The following SLC5A7 variants were observed in gnomAD, a reference collection of about 807,000 sequenced individuals.
SLC5A7 encodes solute carrier family 5 member 7, also known as high affinity choline transporter 1.
Under a neutral mutation model 55.4 loss-of-function variants are expected in SLC5A7, and 19 were observed. The ratio of observed to expected loss-of-function variants is 0.34; its 90% CI spans 0.24 to 0.50. The LOEUF is 0.50. SLC5A7 is among the 20% of genes least tolerant of loss of function. The pLI is 0.98. For synonymous variants in SLC5A7, 265 were observed against 263.7 expected (o/e 1.00, Z -0.05); for missense variants, 506 against 705.3 (o/e 0.72, Z 3.20).
chr2:107,988,908 G>T (rs770514763), intron 2 of SLC5A7, among the ~76,000 whole-genome samples: 1 of 152,280 alleles, frequency 6.6e-6, no homozygotes, highest in African/African-American at 2.4e-5. Flanking sequence ...CACATGTTAT[G>T]AGTCCACAGC....
intron 5 of SLC5A7, among the ~76,000 whole-genome samples, chr2:107,998,471 T>C (rs1021139779): frequency 1.1e-4 from 16 of 152,224 alleles, no homozygotes; most frequent in African/African-American, 3.4e-4. Context: ...AAATTCTTAA[T>C]TATATAAGGC....
At position 108,010,426 on chromosome 2, in the gene SLC5A7, G is replaced by A. The variant is rs766161448; in HGVS notation, c.1308G>A (p.Val436=). The part of the protein sequence containing the change: ...FVKGTNTYGA[V]AGYVSGLFLR... Reference sequence around the variant, plus strand: ...AGGGAACCAACACCTATGGGGCCGTGGCAGGTTATGTTTCTGGCCTCTTCC... The same window carrying A: ...AGGGAACCAACACCTATGGGGCCGTAGCAGGTTATGTTTCTGGCCTCTTCC... The change falls in exon 9 of 9, where the codon GTG becomes GTA. Residue 436 remains valine (V), a synonymous_variant. Coordinates refer to ENST00000264047, the MANE Select transcript of SLC5A7 (RefSeq NM_021815.5). 1.9e-6 allele frequency: 3 copies of A among 1,613,886 alleles called. No homozygotes were observed. The highest frequency in any genetic ancestry group is 1.7e-5 in the Admixed American group (1 of 59,948).
intron 8 of SLC5A7, among the ~76,000 whole-genome samples, chr2:108,009,427 C>G (rs191392800): frequency 3.9e-5 from 6 of 152,082 alleles, no homozygotes; most frequent in Non-Finnish European, 7.4e-5. Flanking sequence ...TTTGCTGCAC[C>G]TATTGACCCG....
chr2:108,010,444 C>T lies in SLC5A7; in HGVS notation c.1326C>T (p.Gly442=). 1 of 1,613,854 alleles carries T rather than the reference C, an allele frequency of 6.2e-7. No individual in the cohort carries two copies. Among genetic ancestry groups the T allele is most frequent in the African/African-American group, 1.3e-5 (1 of 75,008 alleles). ...GGGCCGTGGCAGGTTATGTTTCTGG[C>T]CTCTTCCTGAGAATAACTGGAGGGG... ...TYGAVAGYVS[G]LFLRITGGEP... Residue 442 remains glycine (G), a synonymous_variant, in exon 9 of 9, where the codon GGC becomes GGT. Transcript: ENST00000264047.
intron 5 of SLC5A7, among the ~76,000 whole-genome samples, chr2:108,001,590 G>A (rs1677903971): frequency 1.4e-5 from 2 of 147,586 alleles, no homozygotes; most frequent in East Asian, 2.0e-4. Context: ...GGAGAATGGC[G>A]TGAACCCGGG....
chr2:107,995,470 A>AGAGAGAGAGAGTGTGT (rs1405177003), intron 4 of SLC5A7, among the ~76,000 whole-genome samples: 3 of 137,166 alleles, frequency 2.2e-5, no homozygotes, highest in African/African-American at 8.3e-5. Context: ...AGAGAGAGAG[A>AGAGAGAGAGAGTGTGT]GTGTGTGTGT....
rs905933912 is a variant in SLC5A7 at position 108,008,592 on chromosome 2, T to C, written c.1023T>C (p.Ser341=). The part of the protein sequence containing the change: ...YISFFGLGAV[S]AAVMSSADSS... ...CTTTCTTTGGTCTTGGTGCAGTTTCTGCTGCTGTTATGTCATCAGCAGATT... is the reference window on the plus strand; with the variant it reads ...CTTTCTTTGGTCTTGGTGCAGTTTCCGCTGCTGTTATGTCATCAGCAGATT... The change falls in exon 8 of 9, where the codon TCT becomes TCC. Residue 341 remains serine (S), a synonymous_variant. Transcript: ENST00000264047. The C allele has an allele frequency of 1.2e-6, 2 of 1,613,680 alleles. No homozygotes were observed. The highest frequency in any genetic ancestry group is 1.7e-6 in the Non-Finnish European group (2 of 1,179,854).
rs189863862 is a variant in SLC5A7 at position 108,011,682 on chromosome 2, C to A, written c.*821C>A. 2.0e-5 allele frequency: 3 copies of A among 152,014 alleles called. No individual in the cohort carries two copies. The highest frequency in any genetic ancestry group is 6.6e-5 in the Admixed American group (1 of 15,256). The allele number at this position is 152,014 out of a possible 1,614,324, so 9.4% of individuals were successfully genotyped here. ...TTTATCTCAAGTATATAAAGTTTTG[C>A]CCCATGATAAAATAAGTAACATATA... is the stretch of plus-strand genomic sequence containing the variant. On this transcript the variant is annotated 3_prime_UTR_variant, in exon 9 of 9. Coordinates refer to ENST00000264047, the MANE Select transcript of SLC5A7 (RefSeq NM_021815.5).
At position 108,010,361 on chromosome 2, in the gene SLC5A7, A is replaced by G. The variant is rs1232452494; in HGVS notation, c.1243A>G (p.Ile415Val). 3 of 1,613,960 alleles carry G rather than the reference A, an allele frequency of 1.9e-6. No homozygotes were observed. The South Asian group carries it at 3.3e-5, about 18-fold the overall frequency. ...LWYLSSDLVYIVIFPQLLCVL... is the reference protein window; with the variant it reads ...LWYLSSDLVYVVIFPQLLCVL... Reference sequence around the variant, plus strand: ...GTACCTCAGTTCTGACCTTGTTTACATCGTTATCTTCCCCCAGCTGCTTTG... The same window carrying G: ...GTACCTCAGTTCTGACCTTGTTTACGTCGTTATCTTCCCCCAGCTGCTTTG... The change falls in exon 9 of 9, where the codon ATC becomes GTC. Residue 415 changes from isoleucine (I) to valine (V), a missense_variant. This residue lies in a region of SLC5A7 where 309 missense variants were observed against 478.6 expected (regional missense o/e 0.65). Transcript: ENST00000264047.
In SLC5A7 at chr2:108,008,533, A is replaced by G. The variant is rs1423422976; in HGVS notation, c.964A>G (p.Ile322Val). The G allele has an allele frequency of 3.1e-6, 5 of 1,613,482 alleles. No individual in the cohort carries two copies. Among genetic ancestry groups the G allele is most frequent in the East Asian group, 2.2e-5 (1 of 44,850 alleles). ...TTEEADMILP[I>V]VLQYLCPVYI... ...AGAAGAGGCAGACATGATTTTACCA[A>G]TTGTTCTGCAGTATCTCTGCCCTGT... The change falls in exon 8 of 9, where the codon ATT becomes GTT. Residue 322 changes from isoleucine (I) to valine (V), a missense_variant. Around this residue, in one of 4 missense-constraint regions of SLC5A7, gnomAD observed 309 missense variants for 478.6 expected, o/e 0.65. Transcript: ENST00000264047.
rs755420328 is a variant in SLC5A7 at position 108,001,847 on chromosome 2, A to G, written c.598-50A>G. The stretch of plus-strand genomic sequence containing the variant: ...GAGGTGTACAAATCTTGCATATATC[A>G]GACAGTTGAAAACCATCGCCTAGGG... On this transcript the variant is annotated intron_variant, in intron 5 of 8. Coordinates refer to ENST00000264047, the MANE Select transcript of SLC5A7 (RefSeq NM_021815.5). 7 of 1,602,384 alleles carry G rather than the reference A, an allele frequency of 4.4e-6. No individual in the cohort carries two copies. In the Admixed American group the frequency reaches 6.7e-5, roughly 15 times the overall value.
intron 4 of SLC5A7, among the ~76,000 whole-genome samples, chr2:107,995,201 A>T (rs536171752): frequency 6.6e-6 from 1 of 152,224 alleles, no homozygotes; most frequent in Non-Finnish European, 1.5e-5. Context: ...GCAACATGTT[A>T]CTGCACTGAA....
At chr2:108,003,368 C>A (rs1283741891) in intron 6 of SLC5A7, among the ~76,000 whole-genome samples, 3 of 152,204 alleles carry the variant, frequency 2.0e-5, no homozygotes, top group Non-Finnish European at 4.4e-5. Context: ...TCAGACTATT[C>A]ATCTTTAAAA....
Position 107,992,988 on chromosome 2 carries a change from A to G in SLC5A7, c.309A>G (p.Ala103=). ...LSLILGGLFF[A]KPMRSKGYVT... ...AATTTTTAGGTGGCCTGTTCTTTGC[A>G]AAACCTATGCGTTCAAAGGGGTATG... The change falls in exon 4 of 9, where the codon GCA becomes GCG. Residue 103 remains alanine, a synonymous_variant. Transcript: ENST00000264047. 2 of 1,614,146 alleles carry G rather than the reference A, an allele frequency of 1.2e-6. No homozygotes were observed. Among genetic ancestry groups the G allele is most frequent in the Non-Finnish European group, 1.7e-6 (2 of 1,180,002 alleles).
At chr2:107,998,758 T>A (rs1677773494) in intron 5 of SLC5A7, among the ~76,000 whole-genome samples, 1 of 152,214 alleles carries the variant, frequency 6.6e-6, no homozygotes, top group African/African-American at 2.4e-5. Flanking sequence ...GTAGATTCTT[T>A]AGGGGCAATG....
intron 5 of SLC5A7, among the ~76,000 whole-genome samples, chr2:108,001,046 G>A (rs1330718179): frequency 6.7e-6 from 1 of 148,200 alleles, no homozygotes; most frequent in Admixed American, 6.9e-5. Context: ...TCCTGCCTCA[G>A]CCTCCCAAGC....
At position 108,011,343 on chromosome 2, in the gene SLC5A7, G is replaced by T. The variant is rs140004886; in HGVS notation, c.*482G>T. 7.5e-4 allele frequency: 115 copies of T among 152,578 alleles called. 1 individual carries two copies. The highest frequency in any genetic ancestry group is 3.1e-3 in the Admixed American group (47 of 15,290). The allele number at this position is 152,578 out of a possible 1,614,324, so 9.5% of individuals were successfully genotyped here. On this transcript the variant is annotated 3_prime_UTR_variant, in exon 9 of 9. Transcript: ENST00000264047. Reference sequence around the variant, plus strand: ...AATTAACCAGCTGATTTTTCTTAGTGTGATGATTAACCCCTTCTTTCATGT... The same window carrying T: ...AATTAACCAGCTGATTTTTCTTAGTTTGATGATTAACCCCTTCTTTCATGT...
rs553227558 is a variant in SLC5A7, at chr2:108,006,426, G to C, written c.895+224G>C. Among the ~76,000 whole-genome samples, 15 of 142,430 alleles carry C rather than the reference G, an allele frequency of 1.1e-4. No homozygotes were observed. In the East Asian group the frequency reaches 3.1e-3, roughly 29 times the overall value. The allele number at this position is 142,430 out of a possible 152,430, so 93.4% of individuals were successfully genotyped here. ...GTAGAGACGGGGTTTCATCATGTTG[G>C]TCAGGCTGGTCTCAAACTCCTGACC... On this transcript the variant is annotated intron_variant, in intron 7 of 8. Coordinates refer to ENST00000264047, the MANE Select transcript of SLC5A7 (RefSeq NM_021815.5).
At position 108,013,609 on chromosome 2, in the gene SLC5A7, A is replaced by G. The variant is rs1194699225; in HGVS notation, c.*2748A>G. ...TCAATCAGTAGACCTGATTTTCAAA[A>G]TCTGCCCTCAGATGAAAATAAAATA... On this transcript the variant is annotated 3_prime_UTR_variant, in exon 9 of 9. Coordinates refer to ENST00000264047, the MANE Select transcript of SLC5A7 (RefSeq NM_021815.5). The G allele has an allele frequency of 6.6e-6, 1 of 152,180 alleles. No homozygotes were observed. Among genetic ancestry groups the G allele is most frequent in the Non-Finnish European group, 1.5e-5 (1 of 68,010 alleles). The allele number at this position is 152,180 out of a possible 1,614,324, so 9.4% of individuals were successfully genotyped here.
Sources: allele counts gnomAD v4.1 joint callset (sites outside exome capture counted in the v4.1 genomes callset), GRCh38; gene constraint gnomAD v4.1.1; regional missense constraint gnomAD v4.1.1; transcripts MANE v1.5; gene names NCBI Gene and HGNC (gene_info 2026-07-23, HGNC 2026-07-21).